Variants in GPC5 observed in about 807,000 individuals in gnomAD.
GPC5 encodes glypican 5.
A neutral mutation model predicts 53.9 loss-of-function variants in GPC5; 47 were observed. The observed-to-expected ratio is 0.87, with a 90% CI of 0.69 to 1.11. GPC5 has a LOEUF of 1.11. Among genes scored for constraint, GPC5 ranks in the 50% most tolerant of loss-of-function variants. GPC5 has a pLI of 0.00. For synonymous variants in GPC5, 286 were observed against 263.3 expected (o/e 1.09, Z -0.84); for missense variants, 748 against 713.1 (o/e 1.05, Z -0.56).
Position 92,532,784 on chromosome 13 carries a change from C to T in GPC5, c.1562-333498C>T, listed in dbSNP as rs1881606465. 2.0e-5 allele frequency among the ~76,000 whole-genome samples: 3 copies of T among 152,204 alleles called. No individual in the cohort carries two copies. The South Asian group carries it at 6.2e-4, about 31-fold the overall frequency. On this transcript the variant is annotated intron_variant, in intron 7 of 7. Transcript: ENST00000377067. ...TTTTCAAGAGTGGTTATTTAACATT[C>T]TTATTTCACTTTCCTTCAGGGCCCA...
chr13:91,572,130 T>TA, intron 2 of GPC5, among the ~76,000 whole-genome samples: 1 of 140,466 alleles, frequency 7.1e-6, no homozygotes, highest in South Asian at 2.2e-4. Flanking sequence ...TACGTGTGTA[T>TA]ATACACATAT....
Position 92,790,027 on chromosome 13 carries a change from G to T in GPC5, c.1562-76255G>T, listed in dbSNP as rs571489321. Among the ~76,000 whole-genome samples, 4 of 152,258 alleles carry T rather than the reference G, an allele frequency of 2.6e-5. No individual in the cohort carries two copies. In the South Asian group the frequency reaches 8.3e-4, roughly 32 times the overall value. On this transcript the variant is annotated intron_variant, in intron 7 of 7. Coordinates refer to ENST00000377067, the MANE Select transcript of GPC5 (RefSeq NM_004466.6). The stretch of plus-strand genomic sequence containing the variant: ...GATGTTCGAGGGCAGAAAGCATCCA[G>T]CACGGTAGAAAGATGAAGCCTAGAA...
chr13:92,815,806 A>G (rs77241382), intron 7 of GPC5, among the ~76,000 whole-genome samples: 4,250 of 151,992 alleles, frequency 0.028, 83 homozygotes, highest in South Asian at 0.064. Flanking sequence ...ATGAGAAGGT[A>G]AAAAATCACT....
At position 91,398,671 on chromosome 13, in the gene GPC5, C is replaced by CAGT. The variant is rs1876652606; in HGVS notation, c.-376_-375insAGT. 3 of 152,422 alleles carry CAGT rather than the reference C, an allele frequency of 2.0e-5. No homozygotes were observed. In the South Asian group the frequency reaches 5.1e-4, roughly 26 times the overall value. 9.4% of individuals were successfully genotyped at this position (152,422 alleles called of 1,614,324 possible). A position where few individuals can be genotyped will look rare whatever the true frequency, so the allele number is the denominator to read the frequency against. On this transcript the variant is annotated 5_prime_UTR_variant, in exon 1 of 8. Coordinates refer to ENST00000377067, the MANE Select transcript of GPC5 (RefSeq NM_004466.6). The stretch of plus-strand genomic sequence containing the variant: ...AGCCGGGCGGCGGAGGCGGCGGCGG[C>CAGT]GGCGGCAGTGGCGGCAGTGGCGGCA...
At chr13:92,585,263 C>G (rs1031240911) in intron 7 of GPC5, among the ~76,000 whole-genome samples, 1 of 152,188 alleles carries the variant, frequency 6.6e-6, no homozygotes, top group Non-Finnish European at 1.5e-5. Flanking sequence ...AGCAAAGCCA[C>G]AGGGGTGGAG....
At chr13:91,496,719 A>C (rs1041442242) in intron 2 of GPC5, among the ~76,000 whole-genome samples, 4 of 152,196 alleles carry the variant, frequency 2.6e-5, no homozygotes, top group African/African-American at 9.6e-5. Context: ...CTAGTGTTTG[A>C]CAGCATAACA....
chr13:92,527,172 GAGAAAGAAAGAAGAAAGAAAGA>G (rs1881343979), intron 7 of GPC5, among the ~76,000 whole-genome samples: 2 of 60,948 alleles, frequency 3.3e-5, no homozygotes, highest in African/African-American at 6.1e-5. Flanking sequence ...AAGAAAGAAA[GAGAAAGAAAGAAGAAAGAAAGA>G]AAGAAAGAAA....
At chr13:91,550,725 C>G (rs992515251) in intron 2 of GPC5, among the ~76,000 whole-genome samples, 1 of 152,070 alleles carries the variant, frequency 6.6e-6, no homozygotes, top group Admixed American at 6.6e-5. Context: ...ACCCAAATCT[C>G]ACCTTGAATT....
intron 7 of GPC5, among the ~76,000 whole-genome samples, chr13:92,441,528 C>G (rs1877563910): frequency 6.6e-6 from 1 of 152,162 alleles, no homozygotes; most frequent in South Asian, 2.1e-4. Flanking sequence ...AGTAACATTT[C>G]TATACACTAA....
rs146832028 is a variant in GPC5 at position 91,405,402 on chromosome 13, C to T, written c.163+6193C>T. Among the ~76,000 whole-genome samples the T allele has an allele frequency of 6.6e-5, 10 of 152,278 alleles. No homozygotes were observed. In the East Asian group the frequency reaches 1.4e-3, roughly 21 times the overall value. ...GTCCCATGGGAGACAAACTTGTCCTCGTTGAAAACCACAGGTGTGAACTCT... is the reference window on the plus strand; with the variant it reads ...GTCCCATGGGAGACAAACTTGTCCTTGTTGAAAACCACAGGTGTGAACTCT... On this transcript the variant is annotated intron_variant, in intron 1 of 7. Coordinates refer to ENST00000377067, the MANE Select transcript of GPC5 (RefSeq NM_004466.6).
At chr13:92,473,185 T>C (rs1037205049) in intron 7 of GPC5, among the ~76,000 whole-genome samples, 6 of 152,130 alleles carry the variant, frequency 3.9e-5, no homozygotes, top group African/African-American at 1.4e-4. Context: ...AATGCATTTA[T>C]AATATTTTTG....
chr13:91,616,974 T>G (rs1418922352), intron 2 of GPC5, among the ~76,000 whole-genome samples: 1 of 152,096 alleles, frequency 6.6e-6, no homozygotes, highest in Non-Finnish European at 1.5e-5. Flanking sequence ...AAATTTCTAC[T>G]TAAAAGGCTA....
chr13:92,751,671 CAG>C (rs1889404121), intron 7 of GPC5, among the ~76,000 whole-genome samples: 1 of 151,840 alleles, frequency 6.6e-6, no homozygotes, highest in African/African-American at 2.4e-5. Context: ...GGGTGCAGCA[CAG>C]CAACATGGCA....
At chr13:92,631,939 C>A (rs2139133237) in intron 7 of GPC5, among the ~76,000 whole-genome samples, 1 of 152,254 alleles carries the variant, frequency 6.6e-6, no homozygotes, top group Admixed American at 6.5e-5. Context: ...TATGTATATG[C>A]AAATATTCCA....
At chr13:92,289,622 A>C (rs1221628300) in intron 7 of GPC5, among the ~76,000 whole-genome samples, 2 of 151,970 alleles carry the variant, frequency 1.3e-5, no homozygotes, top group African/African-American at 2.4e-5. Flanking sequence ...GAACTATGTT[A>C]ATTGCCTTTT....
intron 7 of GPC5, among the ~76,000 whole-genome samples, chr13:92,313,101 A>G (rs950412991): frequency 3.9e-5 from 6 of 152,208 alleles, no homozygotes; most frequent in African/African-American, 1.4e-4. Flanking sequence ...TAAATAACAA[A>G]AGTCTGTCAC....
rs866891020 is a variant in GPC5, at chr13:92,458,050, C to T, written c.1561+313061C>T. 3.3e-5 allele frequency among the ~76,000 whole-genome samples: 5 copies of T among 152,180 alleles called. No homozygotes were observed. In the South Asian group the frequency reaches 1.0e-3, roughly 31 times the overall value. ...ATTTCCAAAAATTGAAAGACTGATT[C>T]CATCTTTAGTAACATTACACTGAGG... On this transcript the variant is annotated intron_variant, in intron 7 of 7. Transcript: ENST00000377067.
chr13:92,649,106 C>T (rs1166082490), intron 7 of GPC5, among the ~76,000 whole-genome samples: 2 of 152,096 alleles, frequency 1.3e-5, no homozygotes, highest in African/African-American at 4.8e-5. Context: ...CCTCGCTAAT[C>T]CAAAGCAGAC....
At chr13:91,422,101 A>G (rs921904726) in intron 1 of GPC5, among the ~76,000 whole-genome samples, 2 of 152,244 alleles carry the variant, frequency 1.3e-5, no homozygotes, top group Non-Finnish European at 2.9e-5. Flanking sequence ...ATTACAAAAA[A>G]CAAAAACTTA....
Sources: allele counts gnomAD v4.1 joint callset (sites outside exome capture counted in the v4.1 genomes callset), GRCh38; gene constraint gnomAD v4.1.1; transcripts MANE v1.5; gene names NCBI Gene and HGNC (gene_info 2026-07-23, HGNC 2026-07-21).